ST6GALNAC3: variants seen among roughly 807,000 people sequenced by gnomAD.
ST6GALNAC3 encodes the protein ST6 N-acetylgalactosaminide alpha-2,6-sialyltransferase 3.
ST6GALNAC3 carries 25 observed loss-of-function variants against 32.7 expected under a neutral mutation model. The ratio of observed to expected loss-of-function variants is 0.76; its 90% confidence interval spans 0.56 to 1.07. The LOEUF is 1.07. ST6GALNAC3 is among the 50% of genes least tolerant of loss of function. The pLI, the probability that ST6GALNAC3 is intolerant of heterozygous loss-of-function variation, is 0.00. For missense variants in ST6GALNAC3, 355 were observed against 382.4 expected (o/e 0.93, Z 0.60); for synonymous variants, 129 against 133.1 (o/e 0.97, Z 0.21).
intron 3 of ST6GALNAC3, among the ~76,000 whole-genome samples, chr1:76,478,590 C>T (rs1659501670): frequency 6.6e-6 from 1 of 152,006 alleles, no homozygotes; most frequent in South Asian, 2.1e-4. Context: ...CCCATTCAGA[C>T]AGAAAATTTG....
intron 3 of ST6GALNAC3, among the ~76,000 whole-genome samples, chr1:76,600,285 G>T (rs1647203021): frequency 6.6e-6 from 1 of 152,122 alleles, no homozygotes; most frequent in African/African-American, 2.4e-5. Flanking sequence ...CCAGCCTCCA[G>T]AACTGTGGAA....
chr1:76,102,286 G>C (rs1003177424), intron 1 of ST6GALNAC3, among the ~76,000 whole-genome samples: 1 of 149,080 alleles, frequency 6.7e-6, no homozygotes, highest in Non-Finnish European at 1.5e-5. Flanking sequence ...AATACTTTTA[G>C]CTCCTGCATT....
chr1:76,564,529 A>G (rs1391861530), intron 3 of ST6GALNAC3, among the ~76,000 whole-genome samples: 1 of 151,776 alleles, frequency 6.6e-6, no homozygotes, highest in South Asian at 2.1e-4. Flanking sequence ...AATTGGTGAT[A>G]TCAAAAGACA....
At chr1:76,099,166 A>G (rs1647179407) in intron 1 of ST6GALNAC3, among the ~76,000 whole-genome samples, 1 of 152,110 alleles carries the variant, frequency 6.6e-6, no homozygotes, top group African/African-American at 2.4e-5. Flanking sequence ...TTTTATGATA[A>G]GTTTTATGAT....
At chr1:76,337,458 G>T (rs111874814) in intron 2 of ST6GALNAC3, among the ~76,000 whole-genome samples, 14 of 152,298 alleles carry the variant, frequency 9.2e-5, no homozygotes, top group African/African-American at 3.1e-4. Flanking sequence ...TTCTGTGTGT[G>T]TGAGGTGTCC....
chr1:76,177,406 A>G lies in ST6GALNAC3; in HGVS notation c.18+102522A>G, dbSNP rs557239535. 3.3e-5 allele frequency among the ~76,000 whole-genome samples: 5 copies of G among 152,308 alleles called. No individual in the cohort carries two copies. The South Asian group carries it at 1.0e-3, about 32-fold the overall frequency. On this transcript the variant is annotated intron_variant, in intron 1 of 4. Coordinates refer to ENST00000328299, the MANE Select transcript of ST6GALNAC3 (RefSeq NM_152996.4). ...TATGCATTTTCTCCAAAATGTACAG[A>G]AAGAAAAATAATTTGAACCCTAATT...
intron 1 of ST6GALNAC3, among the ~76,000 whole-genome samples, chr1:76,185,123 G>A (rs753029543): frequency 3.9e-5 from 6 of 152,124 alleles, no homozygotes; most frequent in Non-Finnish European, 8.8e-5. Context: ...CTTGCTCAAG[G>A]CCACCAGGCT....
At chr1:76,148,844 A>G (rs979422785) in intron 1 of ST6GALNAC3, among the ~76,000 whole-genome samples, 1 of 152,236 alleles carries the variant, frequency 6.6e-6, no homozygotes, top group Non-Finnish European at 1.5e-5. Context: ...ATTCTAAGTT[A>G]AGGATTAACT....
chr1:76,109,346 A>G (rs1019038432), intron 1 of ST6GALNAC3, among the ~76,000 whole-genome samples: 6 of 151,876 alleles, frequency 4.0e-5, no homozygotes, highest in Admixed American at 2.0e-4. Context: ...AAAACCAAAG[A>G]CTCCCCGTAA....
chr1:76,440,258 T>C (rs1656476470), intron 3 of ST6GALNAC3, among the ~76,000 whole-genome samples: 1 of 152,182 alleles, frequency 6.6e-6, no homozygotes, highest in Non-Finnish European at 1.5e-5. Flanking sequence ...GTCCTGGAAA[T>C]AGACTTAGGT....
At chr1:76,352,719 T>C (rs1281651427) in intron 2 of ST6GALNAC3, among the ~76,000 whole-genome samples, 1 of 152,140 alleles carries the variant, frequency 6.6e-6, no homozygotes, top group South Asian at 2.1e-4. Flanking sequence ...TCCATGTGGA[T>C]GTATAATAAT....
intron 3 of ST6GALNAC3, among the ~76,000 whole-genome samples, chr1:76,489,307 T>C (rs538259209): frequency 6.6e-6 from 1 of 152,190 alleles, no homozygotes; most frequent in South Asian, 2.1e-4. Context: ...TGTAAAACTA[T>C]TATGTTCCTC....
chr1:76,322,203 G>A (rs1414568728), intron 2 of ST6GALNAC3, among the ~76,000 whole-genome samples: 2 of 152,166 alleles, frequency 1.3e-5, no homozygotes, highest in African/African-American at 4.8e-5. Context: ...TAGAACTCAT[G>A]TCCTGATGTA....
intron 3 of ST6GALNAC3, among the ~76,000 whole-genome samples, chr1:76,450,218 A>G (rs1464825791): frequency 1.3e-5 from 2 of 152,026 alleles, no homozygotes; most frequent in South Asian, 2.1e-4. Context: ...CCTTTTCACC[A>G]TATCCATGCC....
chr1:76,635,770 C>T (rs1185472560), downstream of ST6GALNAC3, among the ~76,000 whole-genome samples: 1 of 152,114 alleles, frequency 6.6e-6, no homozygotes, highest in Non-Finnish European at 1.5e-5. Context: ...TCCTTTGAGT[C>T]CTCTCTATTC....
chr1:76,191,897 G>C (rs12410961), intron 1 of ST6GALNAC3, among the ~76,000 whole-genome samples: 1 of 152,106 alleles, frequency 6.6e-6, no homozygotes, highest in Non-Finnish European at 1.5e-5. Context: ...TATTTTTACC[G>C]ATGATGGAGG....
intron 1 of ST6GALNAC3, among the ~76,000 whole-genome samples, chr1:76,092,783 A>T (rs1453800812): frequency 6.6e-6 from 1 of 152,192 alleles, no homozygotes; most frequent in African/African-American, 2.4e-5. Context: ...AAATTGTCCA[A>T]GGCCATTCCA....
intron 1 of ST6GALNAC3, among the ~76,000 whole-genome samples, chr1:76,231,415 C>T (rs1343503053): frequency 6.6e-6 from 1 of 152,110 alleles, no homozygotes; most frequent in Non-Finnish European, 1.5e-5. Flanking sequence ...TAAGTATATT[C>T]ACATTGTTGT....
chr1:76,356,892 A>G (rs1649500447), intron 2 of ST6GALNAC3, among the ~76,000 whole-genome samples: 1 of 152,096 alleles, frequency 6.6e-6, no homozygotes, highest in Non-Finnish European at 1.5e-5. Context: ...TGCGGTCTAA[A>G]CATAAGAATT....
Sources: gnomAD v4.1 joint callset for allele counts (sites outside exome capture counted in the v4.1 genomes callset) on GRCh38, gnomAD v4.1.1 for gene constraint, MANE v1.5 for transcripts, NCBI Gene and HGNC (gene_info 2026-07-23, HGNC 2026-07-21) for gene names.